The following EMSY variants were observed in gnomAD, a reference collection of about 807,000 sequenced individuals.
EMSY encodes the protein BRCA2-interacting transcriptional repressor EMSY.
A neutral mutation model predicts 134.6 loss-of-function variants in EMSY; 26 were observed. The ratio of observed to expected loss-of-function variants is 0.19; its 90% confidence interval spans 0.14 to 0.27. The LOEUF is 0.27. Among genes scored for constraint, EMSY ranks in the 10% least tolerant of loss-of-function variants. EMSY has a pLI of 1.00. For synonymous variants in EMSY, 579 were observed against 577.8 expected (o/e 1.00, Z -0.03); for missense variants, 1,305 against 1,611.4 (o/e 0.81, Z 3.26).
intron 14 of EMSY, among the ~76,000 whole-genome samples, chr11:76,531,912 C>T (rs2136443458): frequency 1.3e-5 from 2 of 152,236 alleles, no homozygotes; most frequent in Middle Eastern, 6.8e-3. Flanking sequence ...CTTGTGGTTT[C>T]TGAACTTCAC....
chr11:76,476,587 A>G (rs1365101181), intron 8 of EMSY, among the ~76,000 whole-genome samples: 1 of 152,216 alleles, frequency 6.6e-6, no homozygotes, highest in Non-Finnish European at 1.5e-5. Context: ...GATGTCTATC[A>G]ATATATTGCA....
chr11:76,549,938 G>A lies in EMSY; in HGVS notation c.3775-14G>A, dbSNP rs1436493699. The A allele has an allele frequency of 1.9e-6, 3 of 1,570,478 alleles. No individual in the cohort carries two copies. The East Asian group carries it at 7.0e-5, about 37-fold the overall frequency. On this transcript the variant is annotated splice_polypyrimidine_tract_variant and intron_variant, in intron 20 of 20. Transcript: ENST00000334736. ...TTTCTTACCATAAAGATTCTCCTGT[G>A]TCTTCTCTTCCAGGCTATTCCTCAG...
chr11:76,517,540 A>G (rs774711697), intron 11 of EMSY, among the ~76,000 whole-genome samples: 2 of 152,188 alleles, frequency 1.3e-5, no homozygotes, highest in African/African-American at 4.8e-5. Flanking sequence ...TTACTTATAC[A>G]TGAATTTATA....
intron 8 of EMSY, among the ~76,000 whole-genome samples, chr11:76,481,917 TCAA>T (rs1419682253): frequency 6.6e-6 from 1 of 152,146 alleles, no homozygotes; most frequent in Non-Finnish European, 1.5e-5. Context: ...GACTGCCTCC[TCAA>T]GTGGGTTCCT....
chr11:76,516,422 C>G (rs1211997853), intron 11 of EMSY, 110 bp downstream of exon 12: 3 of 814,894 alleles, frequency 3.7e-6, no homozygotes, highest in South Asian at 5.9e-5. Flanking sequence ...GCTTAGAAAT[C>G]TAAAGCTTTG....
chr11:76,455,682 A>G (rs1947843360), intron 4 of EMSY, among the ~76,000 whole-genome samples: 1 of 152,178 alleles, frequency 6.6e-6, no homozygotes, highest in Admixed American at 6.5e-5. Context: ...GATCAAAGAA[A>G]AGCCTTTCTT....
At chr11:76,527,981 A>G in intron 13 of EMSY, among the ~76,000 whole-genome samples, 1 of 152,022 alleles carries the variant, frequency 6.6e-6, no homozygotes, top group East Asian at 1.9e-4. Context: ...TATATAGTCT[A>G]CAGATTATAA....
exon 19 of EMSY, chr11:76,544,370 T>C (rs766091725): frequency 8.7e-6 from 14 of 1,614,162 alleles, no homozygotes; most frequent in Non-Finnish European, 1.1e-5. Flanking sequence ...GTTTTACCGA[T>C]CTGCCCTGAC....
exon 20 of EMSY, chr11:76,546,096 C>T (rs1951638114): frequency 1.2e-6 from 2 of 1,614,006 alleles, no homozygotes; most frequent in Non-Finnish European, 1.7e-6. Context: ...CCTCCACCCA[C>T]ATGGTGGTGG....
chr11:76,530,781 G>A (rs1951013669), intron 14 of EMSY, among the ~76,000 whole-genome samples: 1 of 152,080 alleles, frequency 6.6e-6, no homozygotes, highest in South Asian at 2.1e-4. Flanking sequence ...AAAGAGAAAG[G>A]GATTAAGATG....
chr11:76,543,367 A>G (rs1179298739), intron 18 of EMSY, among the ~76,000 whole-genome samples: 1 of 152,230 alleles, frequency 6.6e-6, no homozygotes, highest in Non-Finnish European at 1.5e-5. Context: ...TAAGTGTAGC[A>G]TATGATAAGG....
rs1039211616 is a variant in EMSY at position 76,518,706 on chromosome 11, T to A, written c.1684+2394T>A. 2.4e-3 allele frequency among the ~76,000 whole-genome samples: 340 copies of A among 144,044 alleles called. 2 individuals are homozygous for A. In the East Asian group the frequency reaches 0.032, roughly 13 times the overall value. The allele number at this position is 144,044 out of a possible 152,430, so 94.5% of individuals were successfully genotyped here. On this transcript the variant is annotated intron_variant, in intron 11 of 20. Coordinates refer to ENST00000334736, the Ensembl canonical transcript of EMSY. ...GCGCATATATATATATATATATATT[T>A]TTTTTTTAATTGGGATCTAATATAG...
intron 9 of EMSY, among the ~76,000 whole-genome samples, chr11:76,502,947 A>G (rs557816390): frequency 3.9e-5 from 6 of 152,128 alleles, no homozygotes; most frequent in Non-Finnish European, 7.4e-5. Context: ...TCCAAAATTC[A>G]TATGGAATTT....
chr11:76,549,333 A>T (rs1318841426), intron 20 of EMSY, among the ~76,000 whole-genome samples: 1 of 152,212 alleles, frequency 6.6e-6, no homozygotes, highest in Non-Finnish European at 1.5e-5. Flanking sequence ...GGGGTTTTAA[A>T]CAAGAGTATG....
At chr11:76,545,655 C>A (rs994723145) in intron 19 of EMSY, 142 bp from the exon 21 acceptor site, 3 of 1,040,548 alleles carry the variant, frequency 2.9e-6, no homozygotes, top group Non-Finnish European at 4.1e-6. Context: ...CCTATCCAGC[C>A]CTCTTTTTAA....
At chr11:76,548,217 ATTAG>A (rs1384247936) in intron 20 of EMSY, among the ~76,000 whole-genome samples, 1 of 152,178 alleles carries the variant, frequency 6.6e-6, no homozygotes, top group African/African-American at 2.4e-5. Context: ...TTCAGGTCTT[ATTAG>A]TTATGTTTAG....
intron 8 of EMSY, 57 bp from the exon 10 acceptor site, chr11:76,496,158 G>A (rs1949646296): frequency 6.6e-6 from 10 of 1,524,122 alleles, no homozygotes; most frequent in African/African-American, 2.8e-5. Context: ...ATAACCAGAA[G>A]TAACTTTAAT....
intron 8 of EMSY, among the ~76,000 whole-genome samples, chr11:76,485,555 T>G (rs1949143662): frequency 6.6e-6 from 1 of 152,120 alleles, no homozygotes; most frequent in Non-Finnish European, 1.5e-5. Context: ...CTCAAAATAA[T>G]AAGAGCTATT....
chr11:76,463,616 C>T (rs1212069026), intron 6 of EMSY, among the ~76,000 whole-genome samples: 1 of 116,816 alleles, frequency 8.6e-6, no homozygotes, highest in East Asian at 2.5e-4. Flanking sequence ...GGTGACAGAG[C>T]GAGACTCCGT....
Sources: allele counts gnomAD v4.1 joint callset (sites outside exome capture counted in the v4.1 genomes callset), GRCh38; gene constraint gnomAD v4.1.1; transcripts MANE v1.5; gene names NCBI Gene and HGNC (gene_info 2026-07-23, HGNC 2026-07-21).